The following TRIP13 variants were observed in gnomAD, a reference collection of about 807,000 sequenced individuals.
TRIP13 encodes pachytene checkpoint protein 2 homolog.
A neutral mutation model predicts 54.4 loss-of-function variants in TRIP13; 25 were observed. That is an observed-to-expected ratio of 0.46 (90% CI 0.33 to 0.64). The LOEUF is 0.64. Ranked by LOEUF, TRIP13 falls within the 30% of genes least tolerant of loss-of-function variation. TRIP13 has a pLI of 0.02. For synonymous variants in TRIP13, 207 were observed against 207.8 expected (o/e 1.00, Z 0.03); for missense variants, 373 against 534.2 (o/e 0.70, Z 2.97).
intron 12 of TRIP13, 40 bp from the exon 13 acceptor site, chr5:916,968 G>GT: frequency 3.1e-6 from 5 of 1,596,424 alleles, no homozygotes; most frequent in Non-Finnish European, 4.3e-6. Context: ...CCCACCAAAC[G>GT]TGAGTTGAGC....
rs752775031 is a variant in TRIP13, at chr5:900,436, G to C, written c.389-58G>C. 2.2e-4 allele frequency: 350 copies of C among 1,567,638 alleles called. 1 individual carries two copies. The Admixed American group carries it at 5.7e-3, about 26-fold the overall frequency. ...GCTTAGGCTCAGGGGAGACTGACTG[G>C]GGGTGGCTGTAATTGCTTGCCTTCC... On this transcript the variant is annotated intron_variant, in intron 3 of 12. Coordinates refer to ENST00000166345, the MANE Select transcript of TRIP13 (RefSeq NM_004237.4).
At chr5:896,308 C>T (rs1224903216) in intron 2 of TRIP13, among the ~76,000 whole-genome samples, 2 of 151,892 alleles carry the variant, frequency 1.3e-5, no homozygotes, top group Admixed American at 1.3e-4. Flanking sequence ...AGCAAGATCC[C>T]GTTGCAAAAA....
At position 913,185 on chromosome 5, in the gene TRIP13, C is replaced by T. The variant is rs1754276312; in HGVS notation, c.1020+1189C>T. Among the ~76,000 whole-genome samples, 2 of 152,154 alleles carry T rather than the reference C, an allele frequency of 1.3e-5. No homozygotes were observed. Among genetic ancestry groups the T allele is most frequent in the Admixed American group, 6.5e-5 (1 of 15,288 alleles). On this transcript the variant is annotated intron_variant, in intron 10 of 12. Transcript: ENST00000166345. This position sits in a 1 kb window ranked among gnomAD's most constrained non-coding sequence, Gnocchi z 4.5. The stretch of plus-strand genomic sequence containing the variant: ...GAGCCCCACGTGATAGCAGATCCTG[C>T]GAGGAAGTCGTGTGTGTTGGAGGTC...
chr5:894,669 C>G (rs1188460549), intron 1 of TRIP13, 118 bp from the exon 2 acceptor site: 1 of 1,244,104 alleles, frequency 8.0e-7, no homozygotes, highest in Non-Finnish European at 1.1e-6. Flanking sequence ...CCAACTCCAA[C>G]TTACCCTGTT....
intron 6 of TRIP13, 57 bp downstream of exon 6, chr5:904,277 G>T: frequency 2.1e-6 from 3 of 1,408,184 alleles, no homozygotes; most frequent in Non-Finnish European, 2.9e-6. Context: ...ATAACGGGAG[G>T]TTGTTTTTTT....
chr5:893,266 A>G (rs1021273411), intron 1 of TRIP13, among the ~76,000 whole-genome samples, 176 bp downstream of exon 1: 91 of 151,744 alleles, frequency 6.0e-4, no homozygotes, highest in Non-Finnish European at 1.1e-3. Context: ...TCCTAGCGCA[A>G]TGACGCGACC....
chr5:908,531 T>C lies in TRIP13; in HGVS notation c.866+70T>C. The C allele has an allele frequency of 6.3e-7, 1 of 1,596,880 alleles. No individual in the cohort carries two copies. Among genetic ancestry groups the C allele is most frequent in the Non-Finnish European group, 8.5e-7 (1 of 1,173,286 alleles). ...TTTGTCCCAAAGAAATGCGTGATAC[T>C]TGTGCAACCCTAGATCTTAGTGCCC... On this transcript the variant is annotated intron_variant, in intron 9 of 12. Transcript: ENST00000166345. The surrounding 1 kb of genome is among the most constrained non-coding windows in gnomAD (Gnocchi z 5.2).
chr5:894,271 A>C (rs1214724547), intron 1 of TRIP13, among the ~76,000 whole-genome samples: 1 of 152,152 alleles, frequency 6.6e-6, no homozygotes, highest in Non-Finnish European at 1.5e-5. Flanking sequence ...ATCCGGGACC[A>C]GGTCACTGTT....
At chr5:916,664 G>A (rs1754346882) in intron 12 of TRIP13, among the ~76,000 whole-genome samples, 1 of 152,156 alleles carries the variant, frequency 6.6e-6, no homozygotes, top group Non-Finnish European at 1.5e-5. Flanking sequence ...TATAAGCCTG[G>A]GACATAGGGT....
At chr5:914,436 G>C (rs1754301547) in intron 10 of TRIP13, 29 bp from the exon 11 acceptor site, 4 of 1,572,936 alleles carry the variant, frequency 2.5e-6, no homozygotes, top group Non-Finnish European at 3.5e-6. Flanking sequence ...TGTGGACTCA[G>C]CTAACCGCCT....
chr5:914,630 C>CT (rs1224258898), intron 11 of TRIP13, 53 bp downstream of exon 11: 3 of 1,441,772 alleles, frequency 2.1e-6, no homozygotes, highest in Non-Finnish European at 2.9e-6. Flanking sequence ...GTGATATTAA[C>CT]TAGGGAGTCA....
chr5:914,202 A>C (rs1186280196), intron 10 of TRIP13, among the ~76,000 whole-genome samples: 1 of 152,152 alleles, frequency 6.6e-6, no homozygotes, highest in East Asian at 1.9e-4. Context: ...CTCGAAACAC[A>C]GAAGAGGCTA....
chr5:915,217 A>G lies in TRIP13; in HGVS notation c.1133+640A>G, dbSNP rs560047147. On this transcript the variant is annotated intron_variant, in intron 11 of 12. Transcript: ENST00000166345. This position sits in a 1 kb window ranked among gnomAD's most constrained non-coding sequence, Gnocchi z 4.2. ...GTTGAAGAGATTTAAATCAGTTAAGATGGGAACGAAGAACAGTTCAGAGAC... is the reference window on the plus strand; with the variant it reads ...GTTGAAGAGATTTAAATCAGTTAAGGTGGGAACGAAGAACAGTTCAGAGAC... Among the ~76,000 whole-genome samples the G allele has an allele frequency of 6.6e-6, 1 of 152,384 alleles. No homozygotes were observed. Among genetic ancestry groups the G allele is most frequent in the Admixed American group, 6.5e-5 (1 of 15,314 alleles).
Position 907,078 on chromosome 5 carries a change from A to G in TRIP13, c.609-52A>G. 1 of 1,525,078 alleles carries G rather than the reference A, an allele frequency of 6.6e-7. No homozygotes were observed. Among genetic ancestry groups the G allele is most frequent in the Admixed American group, 1.7e-5 (1 of 59,326 alleles). The allele number at this position is 1,525,078 out of a possible 1,614,324, so 94.5% of individuals were successfully genotyped here. A position where few individuals can be genotyped will look rare whatever the true frequency, so the allele number is the denominator to read the frequency against. ...CAGGACGCGTGAATGGCTGCCGCTG[A>G]GGATCCACAGGACCAGTTAGTAATT... is the stretch of plus-strand genomic sequence containing the variant. On this transcript the variant is annotated intron_variant, in intron 6 of 12. Coordinates refer to ENST00000166345, the MANE Select transcript of TRIP13 (RefSeq NM_004237.4). This position sits in a 1 kb window ranked among gnomAD's most constrained non-coding sequence, Gnocchi z 4.1.
Position 907,871 on chromosome 5 carries a change from G to C in TRIP13, c.673-117G>C. Reference sequence around the variant, plus strand: ...GATTTAGGGAGCTTTCTGAGGGGCCGTCAGGAGACAGTGGGCTTGTGGGGA... The same window carrying C: ...GATTTAGGGAGCTTTCTGAGGGGCCCTCAGGAGACAGTGGGCTTGTGGGGA... On this transcript the variant is annotated intron_variant, in intron 7 of 12. Transcript: ENST00000166345. The surrounding 1 kb of genome is among the most constrained non-coding windows in gnomAD (Gnocchi z 4.1). The C allele has an allele frequency of 9.8e-7, 1 of 1,017,542 alleles. No homozygotes were observed. The highest frequency in any genetic ancestry group is 1.5e-6 in the Non-Finnish European group (1 of 655,024). The allele number at this position is 1,017,542 out of a possible 1,614,324, so 63.0% of individuals were successfully genotyped here.
chr5:893,091 G>C lies in TRIP13; in HGVS notation c.92+1G>C. 6.3e-7 allele frequency: 1 copy of C among 1,590,328 alleles called. No homozygotes were observed. Among genetic ancestry groups the C allele is most frequent in the Non-Finnish European group, 8.5e-7 (1 of 1,174,330 alleles). On this transcript the variant is annotated splice_donor_variant, in intron 1 of 12. Transcript: ENST00000166345. LOFTEE classifies it high-confidence loss of function. ...TGGAGGTGCATCAGCGCGGCAGCAG[G>C]TGAGCCGGACCTGTCCGACACATCC...
At chr5:900,943 A>G (rs1292640607) in intron 4 of TRIP13, among the ~76,000 whole-genome samples, 1 of 151,882 alleles carries the variant, frequency 6.6e-6, no homozygotes, top group African/African-American at 2.4e-5. Flanking sequence ...CTCTGCATTG[A>G]TAGTCTGAGA....
chr5:905,993 A>G (rs1049331371), intron 6 of TRIP13, among the ~76,000 whole-genome samples: 5 of 152,216 alleles, frequency 3.3e-5, no homozygotes, highest in African/African-American at 9.6e-5. Context: ...AGGCAGGTGG[A>G]TCATTTGAAA....
chr5:911,434 G>A lies in TRIP13; in HGVS notation c.867-409G>A, dbSNP rs908875494. Reference sequence around the variant, plus strand: ...AAAATACAAAAAATTAGCCGGGCACGGTGGCGGGCGCCTGTAGTCCCGGCT... The same window carrying A: ...AAAATACAAAAAATTAGCCGGGCACAGTGGCGGGCGCCTGTAGTCCCGGCT... On this transcript the variant is annotated intron_variant, in intron 9 of 12. Transcript: ENST00000166345. The surrounding 1 kb of genome is among the most constrained non-coding windows in gnomAD (Gnocchi z 4.7). 4.6e-5 allele frequency among the ~76,000 whole-genome samples: 7 copies of A among 152,204 alleles called. No homozygotes were observed. Among genetic ancestry groups the A allele is most frequent in the Admixed American group, 1.3e-4 (2 of 15,284 alleles).
Sources: allele counts gnomAD v4.1 joint callset (sites outside exome capture counted in the v4.1 genomes callset), GRCh38; gene constraint gnomAD v4.1.1; non-coding constraint Gnocchi (gnomAD v3.1); transcripts MANE v1.5; gene names NCBI Gene and HGNC (gene_info 2026-07-23, HGNC 2026-07-21).